Variants in TMEM44 observed in about 807,000 individuals in gnomAD.
TMEM44 encodes the protein transmembrane protein 44.
Under a neutral mutation model 47.8 loss-of-function variants are expected in TMEM44, and 43 were observed. The ratio of observed to expected loss-of-function variants is 0.90; its 90% CI spans 0.70 to 1.16. The LOEUF is 1.16. Ranked by LOEUF, TMEM44 falls within the 50% of genes most tolerant of loss-of-function variation. The probability of loss-of-function intolerance (pLI) is 0.00; values close to 1 mark genes in which losing one functional copy is unlikely to be tolerated. For missense variants in TMEM44, 568 were observed against 555.2 expected (o/e 1.02, Z -0.23); for synonymous variants, 277 against 238.8 (o/e 1.16, Z -1.48).
intron 5 of TMEM44, among the ~76,000 whole-genome samples, chr3:194,621,089 G>C (rs1716488516): frequency 6.6e-6 from 1 of 151,908 alleles, no homozygotes; most frequent in African/African-American, 2.4e-5. Flanking sequence ...GGCCTTATTT[G>C]GAAATAGGGT....
rs368966426 is a variant in TMEM44 at position 194,615,709 on chromosome 3, T to A, written c.784-12A>T. ...GAAAGGAAAATAATCTGAGATGGTG[T>A]AAGTTAAGGTAGGAAGCAGAATATT... On this transcript the variant is annotated splice_polypyrimidine_tract_variant and intron_variant, in intron 6 of 9. Transcript: ENST00000347147. The A allele has an allele frequency of 3.1e-6, 5 of 1,613,116 alleles. No homozygotes were observed. In the African/African-American group the frequency reaches 5.3e-5, roughly 17 times the overall value.
intron 7 of TMEM44, among the ~76,000 whole-genome samples, chr3:194,612,156 G>A (rs1715393833): frequency 6.6e-6 from 1 of 152,192 alleles, no homozygotes; most frequent in Non-Finnish European, 1.5e-5. Context: ...GGTAATCCTG[G>A]TCTAGGGCCC....
chr3:194,604,257 G>GCACC (rs1560169479), intron 9 of TMEM44, 30 bp downstream of exon 9: 29 of 1,566,004 alleles, frequency 1.9e-5, no homozygotes, highest in Non-Finnish European at 2.5e-5. Flanking sequence ...TGGCACCCAC[G>GCACC]CACCCGCCCA....
At chr3:194,601,774 G>C (rs1408392750) in intron 9 of TMEM44, among the ~76,000 whole-genome samples, 1 of 152,074 alleles carries the variant, frequency 6.6e-6, no homozygotes, top group Non-Finnish European at 1.5e-5. Context: ...TTTAACAATC[G>C]ATTTCTAGAA....
At chr3:194,628,343 GTGC>G in intron 2 of TMEM44, 37 bp downstream of exon 2, 1 of 1,594,012 alleles carries the variant, frequency 6.3e-7, no homozygotes, top group East Asian at 2.3e-5. Flanking sequence ...GCCTCCCTTA[GTGC>G]TGGCCTAAGC....
intron 2 of TMEM44, among the ~76,000 whole-genome samples, chr3:194,627,776 C>T (rs910986216): frequency 2.0e-5 from 3 of 151,974 alleles, no homozygotes; most frequent in South Asian, 2.1e-4. Flanking sequence ...GTCAGGAGTT[C>T]GAGACCAGCC....
intron 9 of TMEM44, among the ~76,000 whole-genome samples, chr3:194,595,653 T>A (rs1484768831): frequency 6.8e-6 from 1 of 148,110 alleles, no homozygotes; most frequent in Non-Finnish European, 1.5e-5. Context: ...TGAGATGGAG[T>A]CTCACTCTGT....
At chr3:194,610,199 C>A (rs562821845) in intron 8 of TMEM44, among the ~76,000 whole-genome samples, 1 of 150,584 alleles carries the variant, frequency 6.6e-6, no homozygotes, top group East Asian at 1.9e-4. Flanking sequence ...CCAGCCTGGG[C>A]GACAGAGTGT....
intron 9 of TMEM44, among the ~76,000 whole-genome samples, chr3:194,598,427 A>G (rs1713676976): frequency 8.2e-6 from 1 of 121,412 alleles, no homozygotes; most frequent in African/African-American, 3.3e-5. Flanking sequence ...AGTGGAGTGC[A>G]GTGGTTAATA....
chr3:194,625,647 G>A (rs1612345), intron 3 of TMEM44, among the ~76,000 whole-genome samples: 152,273 of 152,278 alleles, frequency 1, 76,134 homozygotes, highest in Middle Eastern at 1. Context: ...CACCCGGCTA[G>A]TTTTTGTATT....
intron 3 of TMEM44, 117 bp from the exon 4 acceptor site, chr3:194,623,812 A>G (rs2108598289): frequency 1.5e-6 from 2 of 1,360,292 alleles, no homozygotes; most frequent in African/African-American, 1.4e-5. Flanking sequence ...GGGTTCCCAC[A>G]TTATTCTGCA....
chr3:194,629,125 T>C (rs1028196113), intron 1 of TMEM44, among the ~76,000 whole-genome samples: 31 of 151,632 alleles, frequency 2.0e-4, no homozygotes, highest in Admixed American at 5.9e-4. Context: ...GATCACACCA[T>C]TGCACTCCAG....
At chr3:194,627,538 A>C (rs1045604066) in intron 2 of TMEM44, among the ~76,000 whole-genome samples, 1 of 152,184 alleles carries the variant, frequency 6.6e-6, no homozygotes, top group African/African-American at 2.4e-5. Flanking sequence ...GCCACCCTAC[A>C]TAAGCTGGGG....
chr3:194,608,714 G>A (rs80014732), intron 8 of TMEM44, among the ~76,000 whole-genome samples: 2 of 152,156 alleles, frequency 1.3e-5, no homozygotes. Flanking sequence ...AGACAGGAGT[G>A]AACAGGAGAC....
intron 5 of TMEM44, chr3:194,622,547 CTTT>C (rs746646409): frequency 6.7e-4 from 88 of 131,752 alleles, no homozygotes; most frequent in Non-Finnish European, 1.0e-3. Flanking sequence ...ATAAGACACT[CTTT>C]TTTTTTTTTT....
chr3:194,623,432 G>A, intron 4 of TMEM44, 97 bp downstream of exon 4: 4 of 1,507,596 alleles, frequency 2.7e-6, no homozygotes, highest in Non-Finnish European at 2.7e-6. Flanking sequence ...ACAAAGGAAG[G>A]CTTAACCCCA....
At chr3:194,623,491 C>A (rs1371383620) in intron 4 of TMEM44, 38 bp downstream of exon 4, 1 of 1,549,384 alleles carries the variant, frequency 6.5e-7, no homozygotes, top group Admixed American at 2.0e-5. Flanking sequence ...GCAGGACATG[C>A]AGTACCCCGA....
intron 9 of TMEM44, among the ~76,000 whole-genome samples, chr3:194,598,396 G>A: frequency 6.6e-6 from 1 of 151,468 alleles, no homozygotes; most frequent in East Asian, 2.0e-4. Context: ...CACCTTCCCG[G>A]GTACCAGTCT....
chr3:194,601,204 C>T (rs1229312920), intron 9 of TMEM44, among the ~76,000 whole-genome samples: 1 of 149,414 alleles, frequency 6.7e-6, no homozygotes. Context: ...AGTGAAGTGG[C>T]GTGATCTCGG....
Sources: allele counts gnomAD v4.1 joint callset (sites outside exome capture counted in the v4.1 genomes callset), GRCh38; gene constraint gnomAD v4.1.1; transcripts MANE v1.5; gene names NCBI Gene and HGNC (gene_info 2026-07-23, HGNC 2026-07-21).